FHIT: variants seen among roughly 807,000 people sequenced by gnomAD.
The protein encoded by FHIT is fragile histidine triad diadenosine triphosphatase.
In FHIT, 19 loss-of-function variants were observed where a neutral mutation model predicts 17.9. That is an observed-to-expected ratio of 1.06 (90% CI 0.74 to 1.56). FHIT has a LOEUF of 1.56. Among genes scored for constraint, FHIT ranks in the 40% most tolerant of loss-of-function variants. The probability of loss-of-function intolerance (pLI) is 0.00; values close to 1 mark genes in which losing one functional copy is unlikely to be tolerated. For missense variants in FHIT, 248 were observed against 189.2 expected (o/e 1.31, Z -1.82); for synonymous variants, 81 against 69.7 (o/e 1.16, Z -0.81).
intron 4 of FHIT, among the ~76,000 whole-genome samples, chr3:60,543,907 CTTTTTTTTT>C (rs71092612): frequency 3.8e-5 from 2 of 52,076 alleles, no homozygotes; most frequent in Non-Finnish European, 6.0e-5. Flanking sequence ...CCACGCCCGG[CTTTTTTTTT>C]TTTTTTTTTT....
intron 5 of FHIT, among the ~76,000 whole-genome samples, chr3:60,117,391 GA>G (rs1421219661): frequency 6.7e-6 from 1 of 150,014 alleles, no homozygotes; most frequent in Non-Finnish European, 1.5e-5. Flanking sequence ...TAGAAAAGAG[GA>G]TTTAAATTTT....
At chr3:60,480,205 C>G (rs574336819) in intron 5 of FHIT, among the ~76,000 whole-genome samples, 1 of 152,072 alleles carries the variant, frequency 6.6e-6, no homozygotes, top group Non-Finnish European at 1.5e-5. Flanking sequence ...TATCAAATAA[C>G]CACATCTCAT....
chr3:59,969,553 A>C (rs1708083196), intron 7 of FHIT, among the ~76,000 whole-genome samples: 1 of 152,078 alleles, frequency 6.6e-6, no homozygotes, highest in South Asian at 2.1e-4. Context: ...CTCTGGTAAA[A>C]ACAAAACAAA....
At chr3:59,965,796 T>C (rs980466159) in intron 7 of FHIT, among the ~76,000 whole-genome samples, 23 of 152,286 alleles carry the variant, frequency 1.5e-4, no homozygotes, top group Admixed American at 7.2e-4. Context: ...ATATTTAAAA[T>C]CCTTTTATCA....
At chr3:60,119,877 C>T (rs1576143230) in intron 5 of FHIT, among the ~76,000 whole-genome samples, 2 of 152,144 alleles carry the variant, frequency 1.3e-5, no homozygotes, top group African/African-American at 4.8e-5. Flanking sequence ...TTTTATAAAA[C>T]TCTACTGGCT....
At chr3:61,029,932 G>A (rs1230597844) in intron 3 of FHIT, among the ~76,000 whole-genome samples, 7 of 152,226 alleles carry the variant, frequency 4.6e-5, no homozygotes, top group Admixed American at 1.3e-4. Flanking sequence ...AGGCTCTTGG[G>A]CTCCACCCTA....
At chr3:61,053,810 A>G (rs925235472) in intron 2 of FHIT, among the ~76,000 whole-genome samples, 1 of 152,156 alleles carries the variant, frequency 6.6e-6, no homozygotes, top group African/African-American at 2.4e-5. Context: ...AAGGCACAAT[A>G]TGGAAGAGAG....
At chr3:60,077,900 G>T (rs534155418) in intron 5 of FHIT, among the ~76,000 whole-genome samples, 1 of 151,920 alleles carries the variant, frequency 6.6e-6, no homozygotes, top group East Asian at 1.9e-4. Flanking sequence ...GATAACAGAC[G>T]TTGATTTGCT....
At chr3:59,952,812 C>T (rs981629243) in intron 7 of FHIT, among the ~76,000 whole-genome samples, 1 of 152,156 alleles carries the variant, frequency 6.6e-6, no homozygotes, top group African/African-American at 2.4e-5. Context: ...GGTGCAAAAA[C>T]GTCCTTATCC....
chr3:59,909,310 G>T (rs1275695550), intron 8 of FHIT, among the ~76,000 whole-genome samples: 1 of 151,624 alleles, frequency 6.6e-6, no homozygotes, highest in African/African-American at 2.4e-5. Flanking sequence ...GGGATTACTC[G>T]CATGAGCCAC....
In FHIT at chr3:60,916,620, T is replaced by C. The variant is rs1446533035; in HGVS notation, c.-110-94609A>G. Among the ~76,000 whole-genome samples, 3 of 152,188 alleles carry C rather than the reference T, an allele frequency of 2.0e-5. No homozygotes were observed. The East Asian group carries it at 5.8e-4, about 29-fold the overall frequency. ...AGAGAGACCTTTAATTTGCAGACCT[T>C]CTCAGAAGACAGATTATCTGCATTC... On this transcript the variant is annotated intron_variant, in intron 3 of 9. Coordinates refer to ENST00000492590, the MANE Select transcript of FHIT (RefSeq NM_002012.4).
intron 5 of FHIT, among the ~76,000 whole-genome samples, chr3:60,441,777 T>C (rs1301990294): frequency 1.0e-4 from 10 of 95,792 alleles, no homozygotes; most frequent in African/African-American, 2.4e-4. Flanking sequence ...TATTTATATG[T>C]ATAAAAATAT....
intron 8 of FHIT, among the ~76,000 whole-genome samples, chr3:59,756,312 T>A (rs1347852688): frequency 6.6e-6 from 1 of 152,150 alleles, no homozygotes; most frequent in Non-Finnish European, 1.5e-5. Flanking sequence ...GAAATGTACC[T>A]CCTTCAGCTC....
intron 8 of FHIT, among the ~76,000 whole-genome samples, chr3:59,904,207 A>G (rs1205220205): frequency 6.9e-6 from 1 of 144,956 alleles, no homozygotes; most frequent in African/African-American, 2.5e-5. Flanking sequence ...AAGGAACAAT[A>G]ATAACCATAA....
chr3:59,968,304 T>C (rs1575785135), intron 7 of FHIT, among the ~76,000 whole-genome samples: 1 of 152,034 alleles, frequency 6.6e-6, no homozygotes, highest in Non-Finnish European at 1.5e-5. Flanking sequence ...ATATGAACTG[T>C]AGATTTTTGA....
chr3:60,131,750 A>G (rs72884607), intron 5 of FHIT, among the ~76,000 whole-genome samples: 24,874 of 151,884 alleles, frequency 0.16, 2,251 homozygotes, highest in African/African-American at 0.21. Context: ...ATCTTCCCCT[A>G]CTGCTGAGAC....
Position 60,437,584 on chromosome 3 carries a change from A to T in FHIT, c.103+99276T>A, listed in dbSNP as rs147948353. Among the ~76,000 whole-genome samples the T allele has an allele frequency of 1.4e-4, 21 of 152,232 alleles. No individual in the cohort carries two copies. The East Asian group carries it at 3.7e-3, about 27-fold the overall frequency. ...GCATCATCTCATTCCAGCAATGATC[A>T]ACCCTATAAGCTGGGTGTTCTTTTT... On this transcript the variant is annotated intron_variant, in intron 5 of 9. Transcript: ENST00000492590.
At chr3:61,234,975 T>A (rs1338312575) in intron 1 of FHIT, among the ~76,000 whole-genome samples, 1 of 152,222 alleles carries the variant, frequency 6.6e-6, no homozygotes, top group Admixed American at 6.5e-5. Context: ...ATACTGCTAA[T>A]TTGAGAAAAA....
At chr3:60,575,073 C>T (rs2037520736) in intron 4 of FHIT, among the ~76,000 whole-genome samples, 1 of 152,084 alleles carries the variant, frequency 6.6e-6, no homozygotes, top group South Asian at 2.1e-4. Flanking sequence ...TAAAATCAGT[C>T]TCCAAAGAGT....
Sources: allele counts gnomAD v4.1 joint callset (sites outside exome capture counted in the v4.1 genomes callset), GRCh38; gene constraint gnomAD v4.1.1; transcripts MANE v1.5; gene names NCBI Gene and HGNC (gene_info 2026-07-23, HGNC 2026-07-21).